PCDHA9: variants seen among roughly 807,000 people sequenced by gnomAD.
The protein encoded by PCDHA9 is protocadherin alpha-9.
Under a neutral mutation model 62.0 loss-of-function variants are expected in PCDHA9, and 62 were observed. The ratio of observed to expected loss-of-function variants is 1.00; its 90% CI spans 0.81 to 1.23. The LOEUF (loss-of-function observed/expected upper bound fraction) is 1.23, where lower values mean the gene tolerates loss of function less well. Ranked by LOEUF, PCDHA9 falls within the 50% of genes most tolerant of loss-of-function variation. PCDHA9 has a pLI of 0.00. For missense variants in PCDHA9, 1,205 were observed against 1,249.8 expected (o/e 0.96, Z 0.54); for synonymous variants, 557 against 567.6 (o/e 0.98, Z 0.27).
intron 1 of PCDHA9, chr5:140,967,436 C>A (rs781894469): frequency 1.2e-6 from 2 of 1,613,378 alleles, no homozygotes; most frequent in Non-Finnish European, 8.5e-7. Flanking sequence ...AGCCTTGCAC[C>A]ACCTGGTTCT....
At chr5:140,973,449 C>CT (rs2096588066) in intron 1 of PCDHA9, among the ~76,000 whole-genome samples, 1 of 152,188 alleles carries the variant, frequency 6.6e-6, no homozygotes, top group African/African-American at 2.4e-5. Flanking sequence ...TTTATAATGA[C>CT]TGGGGCTGTT....
In PCDHA9 at chr5:140,910,096, C is replaced by G. The variant is rs1583731198; in HGVS notation, c.2394+59207C>G. On this transcript the variant is annotated intron_variant, in intron 1 of 3. Coordinates refer to ENST00000532602, the MANE Select transcript of PCDHA9 (RefSeq NM_031857.2). ...ATTGTTGTCAAGGGGAACCAGCCTCCCCTTCATTTAAGGGATTCTAGGTCT... is the reference window on the plus strand; with the variant it reads ...ATTGTTGTCAAGGGGAACCAGCCTCGCCTTCATTTAAGGGATTCTAGGTCT... Among the ~76,000 whole-genome samples the G allele has an allele frequency of 2.6e-5, 4 of 152,262 alleles. No individual in the cohort carries two copies. The East Asian group carries it at 7.7e-4, about 29-fold the overall frequency.
At chr5:141,009,529 T>C in intron 3 of PCDHA9, 98 bp from the exon 4 acceptor site, 2 of 1,505,630 alleles carry the variant, frequency 1.3e-6, no homozygotes, top group Non-Finnish European at 1.8e-6. Context: ...TCTGGGGAGG[T>C]TCAGCCTGCC....
intron 1 of PCDHA9, chr5:140,929,483 G>A: frequency 8.4e-7 from 1 of 1,192,950 alleles, no homozygotes; most frequent in Non-Finnish European, 1.1e-6. Context: ...AAGTATAGAA[G>A]TATTAGAAGA....
chr5:140,858,010 C>A, intron 1 of PCDHA9: 2 of 1,596,490 alleles, frequency 1.3e-6, no homozygotes, highest in Middle Eastern at 3.3e-4. Flanking sequence ...AGGACCATGG[C>A]GAGCCGTCGC....
At chr5:140,963,032 T>G (rs541613535) in intron 1 of PCDHA9, among the ~76,000 whole-genome samples, 2 of 152,172 alleles carry the variant, frequency 1.3e-5, no homozygotes, top group African/African-American at 2.4e-5. Flanking sequence ...CAATTAACAT[T>G]TATTGAGAGT....
Position 141,010,550 on chromosome 5 carries a change from ACC to A in PCDHA9, c.*617_*618del. 3.2e-6 allele frequency: 1 copy of A among 316,712 alleles called. No individual in the cohort carries two copies. The highest frequency in any genetic ancestry group is 5.8e-6 in the Non-Finnish European group (1 of 172,196). The allele number at this position is 316,712 out of a possible 1,614,324, so 19.6% of individuals were successfully genotyped here. ...CAGCCACCCTCTAGGAGACAAAACT[ACC>A]CCCACTGACAAGGCTTTAGGAGACC... On this transcript the variant is annotated 3_prime_UTR_variant, in exon 4 of 4. Transcript: ENST00000532602.
intron 1 of PCDHA9, chr5:140,882,971 G>A (rs1562782227): frequency 3.1e-6 from 5 of 1,614,206 alleles, no homozygotes; most frequent in Admixed American, 1.7e-5. Flanking sequence ...GATTCTGGAC[G>A]TGAATGACAA....
chr5:140,926,917 TTA>T, intron 1 of PCDHA9: 3 of 1,565,668 alleles, frequency 1.9e-6, no homozygotes, highest in South Asian at 1.2e-5. Context: ...GGTGGCAGTT[TTA>T]TGTTTGTGGG....
In PCDHA9 at chr5:140,927,920, T is replaced by C. The variant is rs782193396; in HGVS notation, c.2395-51029T>C. Reference sequence around the variant, plus strand: ...GATCATGCCCCCGAACTGGACTTCCTGACTCTTTCGAACCCAGTACCTGAG... The same window carrying C: ...GATCATGCCCCCGAACTGGACTTCCCGACTCTTTCGAACCCAGTACCTGAG... On this transcript the variant is annotated intron_variant, in intron 1 of 3. Transcript: ENST00000532602. 6.2e-6 allele frequency: 10 copies of C among 1,614,120 alleles called. No individual in the cohort carries two copies. In the South Asian group the frequency reaches 1.1e-4, roughly 18 times the overall value.
At chr5:140,982,317 AG>A in intron 2 of PCDHA9, 157 bp from the exon 3 acceptor site, 1 of 1,347,244 alleles carries the variant, frequency 7.4e-7, no homozygotes, top group East Asian at 2.5e-5. Flanking sequence ...CAGTTTATGC[AG>A]GGTGACTGCT....
chr5:140,871,673 C>T (rs980419228), intron 1 of PCDHA9: 1 of 1,142,814 alleles, frequency 8.8e-7, no homozygotes, highest in East Asian at 2.6e-5. Flanking sequence ...GTCTTTTAAT[C>T]ATATGAATAA....
intron 1 of PCDHA9, among the ~76,000 whole-genome samples, chr5:140,897,367 T>C (rs1554187348): frequency 8.0e-6 from 1 of 125,642 alleles, no homozygotes; most frequent in East Asian, 2.4e-4. Flanking sequence ...CAGAGTGTGA[T>C]GTTCCCTTCC....
At chr5:140,870,436 G>A (rs782478068) in intron 1 of PCDHA9, 7 of 1,614,128 alleles carry the variant, frequency 4.3e-6, no homozygotes, top group Non-Finnish European at 5.9e-6. Context: ...CGTGGAGGTG[G>A]CCGACGTGAA....
intron 1 of PCDHA9, among the ~76,000 whole-genome samples, chr5:140,974,018 T>C (rs2096611642): frequency 1.3e-5 from 2 of 152,222 alleles, no homozygotes; most frequent in Non-Finnish European, 1.5e-5. Context: ...CATGTGATAA[T>C]ACAACTATAA....
intron 1 of PCDHA9, chr5:140,884,453 G>A (rs2060182161): frequency 2.5e-6 from 4 of 1,613,658 alleles, no homozygotes; most frequent in Admixed American, 1.7e-5. Flanking sequence ...ACCGCCCACC[G>A]AGGGCGCGTG....
At chr5:140,943,063 C>T (rs1461337774) in intron 1 of PCDHA9, among the ~76,000 whole-genome samples, 1 of 151,748 alleles carries the variant, frequency 6.6e-6, no homozygotes, top group Admixed American at 6.6e-5. Context: ...TCAAGAACAG[C>T]CTGACCAACA....
intron 1 of PCDHA9, chr5:140,883,799 C>T: frequency 1.2e-6 from 2 of 1,612,460 alleles, no homozygotes; most frequent in Non-Finnish European, 1.7e-6. Flanking sequence ...CGTGTCGGTG[C>T]ACGCGGAGAG....
At chr5:140,985,217 G>A (rs1196051994) in intron 3 of PCDHA9, among the ~76,000 whole-genome samples, 3 of 152,206 alleles carry the variant, frequency 2.0e-5, no homozygotes, top group Admixed American at 1.3e-4. Context: ...GATTACAGGC[G>A]TGAGCCACCG....
Sources: allele counts gnomAD v4.1 joint callset (sites outside exome capture counted in the v4.1 genomes callset), GRCh38; gene constraint gnomAD v4.1.1; transcripts MANE v1.5; gene names NCBI Gene and HGNC (gene_info 2026-07-23, HGNC 2026-07-21).